STIM1: variants seen among roughly 807,000 people sequenced by gnomAD.
The protein encoded by STIM1 is stromal interaction molecule 1.
Under a neutral mutation model 74.7 loss-of-function variants are expected in STIM1, and 25 were observed. The ratio of observed to expected loss-of-function variants is 0.33; its 90% CI spans 0.24 to 0.47. The LOEUF (loss-of-function observed/expected upper bound fraction) is 0.47, where lower values mean the gene tolerates loss of function less well. STIM1 is among the 20% of genes least tolerant of loss of function. STIM1 has a pLI of 1.00. For synonymous variants in STIM1, 328 were observed against 348.8 expected, an observed-to-expected ratio of 0.94 and a Z score of 0.66; for missense variants, 728 against 920.8, an observed-to-expected ratio of 0.79 and a Z score of 2.71.
At chr11:3,877,246 T>C (rs1246969811) in intron 1 of STIM1, among the ~76,000 whole-genome samples, 1 of 151,112 alleles carries the variant, frequency 6.6e-6, no homozygotes, top group Non-Finnish European at 1.5e-5. Flanking sequence ...AGAACAACAT[T>C]ATTATTATTA....
At chr11:3,975,941 A>G (rs746625592) in intron 2 of STIM1, among the ~76,000 whole-genome samples, 98 of 152,226 alleles carry the variant, frequency 6.4e-4, no homozygotes, top group Non-Finnish European at 1.1e-3. Context: ...AGTTTCTTAC[A>G]AAGTTAAATA....
At chr11:3,913,671 G>A (rs1424234399) in intron 1 of STIM1, among the ~76,000 whole-genome samples, 5 of 152,162 alleles carry the variant, frequency 3.3e-5, no homozygotes, top group South Asian at 2.1e-4. Context: ...TAACCATTTC[G>A]AATTAAACAA....
chr11:3,910,270 TG>T (rs2135475423), intron 1 of STIM1, among the ~76,000 whole-genome samples: 1 of 152,312 alleles, frequency 6.6e-6, no homozygotes, highest in South Asian at 2.1e-4. Context: ...CTAGGGGAGC[TG>T]AGGTCAGGAA....
At chr11:3,995,876 T>A (rs182864041) in intron 2 of STIM1, among the ~76,000 whole-genome samples, 29 of 151,928 alleles carry the variant, frequency 1.9e-4, no homozygotes. Context: ...CTGGCTAATT[T>A]TTAAATTTTT....
rs370533703 is a variant in STIM1, at chr11:4,004,875, T to C, written c.271-18998T>C. Among the ~76,000 whole-genome samples the C allele has an allele frequency of 1.1e-3, 165 of 151,774 alleles. 4 individuals carry two copies. The South Asian group carries it at 0.033, about 31-fold the overall frequency. ...TAATATCCAGAATCTACAATGAACT[T>C]AAACAAACTTACAAGAAAAAAACAG... On this transcript the variant is annotated intron_variant, in intron 2 of 12. Transcript: ENST00000526596.
chr11:3,974,350 C>A, intron 2 of STIM1: 1 of 202,536 alleles, frequency 4.9e-6, no homozygotes, highest in Admixed American at 5.5e-5. Flanking sequence ...AGACTTAGGG[C>A]AAACTGAGAC....
Position 3,892,345 on chromosome 11 carries a change from A to G in STIM1, c.139+35936A>G, listed in dbSNP as rs2091920136. The G allele has an allele frequency of 3.5e-6, 4 of 1,141,932 alleles. No homozygotes were observed. In the South Asian group the frequency reaches 5.1e-5, roughly 15 times the overall value. 70.7% of individuals were successfully genotyped at this position (1,141,932 alleles called of 1,614,324 possible). Reference sequence around the variant, plus strand: ...GGGTGGAGGGGTGCTCTCCTGACCTACAGAAGGAATGGTCTGGTGGCTAAG... The same window carrying G: ...GGGTGGAGGGGTGCTCTCCTGACCTGCAGAAGGAATGGTCTGGTGGCTAAG... On this transcript the variant is annotated intron_variant, in intron 1 of 12. Transcript: ENST00000526596.
intron 2 of STIM1, among the ~76,000 whole-genome samples, chr11:3,996,424 G>C (rs926597767): frequency 1.3e-5 from 2 of 152,206 alleles, no homozygotes; most frequent in Admixed American, 1.3e-4. Context: ...GTTTAAACGG[G>C]ACAAAAGAGG....
chr11:4,043,550 A>G (rs2094165132), intron 3 of STIM1, among the ~76,000 whole-genome samples: 1 of 152,252 alleles, frequency 6.6e-6, no homozygotes, highest in African/African-American at 2.4e-5. Context: ...CATTCGAAGA[A>G]GATACTAGAG....
At chr11:4,044,022 G>GA (rs574527636) in intron 3 of STIM1, among the ~76,000 whole-genome samples, 341 of 151,694 alleles carry the variant, frequency 2.2e-3, no homozygotes, top group Non-Finnish European at 3.3e-3. Context: ...CAAAAAAAAA[G>GA]AAAAAAAAGA....
chr11:3,895,652 T>C (rs1167782118), intron 1 of STIM1, among the ~76,000 whole-genome samples: 1 of 11,940 alleles, frequency 8.4e-5, no homozygotes, highest in Non-Finnish European at 1.9e-4. Flanking sequence ...CTTTCTTTCT[T>C]TCTTTCTTTC....
chr11:3,990,117 G>A (rs993142141), intron 2 of STIM1, among the ~76,000 whole-genome samples: 1 of 152,120 alleles, frequency 6.6e-6, no homozygotes, highest in Admixed American at 6.6e-5. Flanking sequence ...TGCCTATTAC[G>A]GACATTTCAT....
At position 3,966,686 on chromosome 11, in the gene STIM1, A is replaced by G. The variant is rs113997618; in HGVS notation, c.140-866A>G. On this transcript the variant is annotated intron_variant, in intron 1 of 12. Transcript: ENST00000526596. Reference sequence around the variant, plus strand: ...ACTTCAGTCAAAATACCTTTTTCAAATAGTGACCTTGAGGCCTGGAGAAGA... The same window carrying G: ...ACTTCAGTCAAAATACCTTTTTCAAGTAGTGACCTTGAGGCCTGGAGAAGA... 9.4e-3 allele frequency among the ~76,000 whole-genome samples: 1,427 copies of G among 152,338 alleles called. 26 individuals carry two copies. Among genetic ancestry groups the G allele is most frequent in the African/African-American group, 0.032 (1,349 of 41,568 alleles).
At chr11:3,909,498 G>A (rs1162869896) in intron 1 of STIM1, among the ~76,000 whole-genome samples, 1 of 152,150 alleles carries the variant, frequency 6.6e-6, no homozygotes, top group Non-Finnish European at 1.5e-5. Context: ...TCAGTAATAT[G>A]ACAGAAGTAG....
At chr11:4,024,628 C>T (rs886439066) in intron 3 of STIM1, among the ~76,000 whole-genome samples, 3 of 152,156 alleles carry the variant, frequency 2.0e-5, no homozygotes, top group African/African-American at 7.2e-5. Context: ...TTTATCATCA[C>T]GGAGTTGAGC....
chr11:3,928,227 A>ATTTTTT (rs373423422), intron 1 of STIM1, among the ~76,000 whole-genome samples: 1 of 140,612 alleles, frequency 7.1e-6, no homozygotes, highest in Non-Finnish European at 1.6e-5. Context: ...GTAACAGTCC[A>ATTTTTT]TTTTTTTTTT....
At chr11:3,987,106 T>G (rs1199598757) in intron 2 of STIM1, among the ~76,000 whole-genome samples, 1 of 152,056 alleles carries the variant, frequency 6.6e-6, no homozygotes, top group Non-Finnish European at 1.5e-5. Flanking sequence ...TTCTTTATTC[T>G]TGTTTATCCT....
In STIM1 at chr11:4,091,755, A is replaced by G. The variant is rs1200217912; in HGVS notation, c.2108A>G (p.Lys703Arg). The G allele has an allele frequency of 1.1e-5, 18 of 1,611,384 alleles. No homozygotes were observed. Among genetic ancestry groups the G allele is most frequent in the Non-Finnish European group, 1.4e-5 (16 of 1,180,038 alleles). The change falls in exon 13 of 13, where the codon AAG becomes AGG. Residue 703 changes from lysine to arginine, a missense_variant. By Grantham distance (26) the Lys-to-Arg change is conservative (BLOSUM62 2). This residue lies in a region of STIM1 where 352 missense variants were observed against 370.1 expected (regional missense o/e 0.95). Transcript: ENST00000526596. The stretch of plus-strand genomic sequence containing the variant: ...GAAACAGACTCCAGCCCAGGCCGGA[A>G]GAAGTTTCCCCTCAAAATCTTTAAG... ...GEETDSSPGR[K>R]KFPLKIFKKP...
chr11:3,992,554 A>G (rs2093626552), intron 2 of STIM1, among the ~76,000 whole-genome samples: 1 of 152,162 alleles, frequency 6.6e-6, no homozygotes, highest in African/African-American at 2.4e-5. Flanking sequence ...ATTTTCTCCC[A>G]TTCTGTGGGT....
Sources: gnomAD v4.1 joint callset for allele counts (sites outside exome capture counted in the v4.1 genomes callset) on GRCh38, gnomAD v4.1.1 for gene constraint, gnomAD v4.1.1 regional missense constraint, MANE v1.5 for transcripts, NCBI Gene and HGNC (gene_info 2026-07-23, HGNC 2026-07-21) for gene names.